Variants in EPS8L2 observed in about 807,000 individuals in gnomAD.
EPS8L2 encodes EPS8 signaling adaptor L2.
A neutral mutation model predicts 99.4 loss-of-function variants in EPS8L2; 81 were observed. The ratio of observed to expected loss-of-function variants is 0.82; its 90% confidence interval spans 0.68 to 0.98. EPS8L2 has a LOEUF of 0.98. Ranked by LOEUF, EPS8L2 falls within the 50% of genes least tolerant of loss-of-function variation. The pLI, the probability that EPS8L2 is intolerant of heterozygous loss-of-function variation, is 0.00. For synonymous variants in EPS8L2, 509 were observed against 407.3 expected (o/e 1.25, Z -3.01); for missense variants, 1,155 against 968.8 (o/e 1.19, Z -2.55).
At chr11:713,131 G>A (rs1286065880) in intron 4 of EPS8L2, among the ~76,000 whole-genome samples, 1 of 152,246 alleles carries the variant, frequency 6.6e-6, no homozygotes. Context: ...GAGTCTGGTG[G>A]GAAGTCTCTC....
intron 4 of EPS8L2, among the ~76,000 whole-genome samples, chr11:713,721 T>A (rs1171194280): frequency 6.6e-6 from 1 of 152,254 alleles, no homozygotes; most frequent in Non-Finnish European, 1.5e-5. Context: ...ATTTTTTATA[T>A]CTTTAGCAGA....
Position 726,627 on chromosome 11 carries a change from A to C in EPS8L2, c.1943A>C (p.Glu648Ala). The C allele has an allele frequency of 6.4e-7, 1 of 1,552,656 alleles. No homozygotes were observed. The highest frequency in any genetic ancestry group is 1.4e-5 in the African/African-American group (1 of 73,598). The change falls in exon 20 of 21, where the codon GAG becomes GCG. Residue 648 changes from glutamate to alanine, a missense_variant. Coordinates refer to ENST00000318562, the MANE Select transcript of EPS8L2 (RefSeq NM_022772.4). ...CAACTGCCCGCCCCCAGGATCGTGG[A>C]GAACCTGGGCATCCTGACCGGGCCG... ...EAKAFSPRIV[E>A]NLGILTGPQL... is the part of the protein sequence containing the mutation.
intron 3 of EPS8L2, 22 bp from the exon 4 acceptor site, chr11:710,400 T>C (rs779375860): frequency 6.2e-7 from 1 of 1,612,188 alleles, no homozygotes; most frequent in Admixed American, 1.7e-5. Flanking sequence ...GTCGGGGGAG[T>C]GACTGGTGTC....
At position 724,966 on chromosome 11, in the gene EPS8L2, TC is replaced by T; in HGVS notation, c.1560+139del. On this transcript the variant is annotated intron_variant, in intron 16 of 20. Coordinates refer to ENST00000318562, the MANE Select transcript of EPS8L2 (RefSeq NM_022772.4). This position sits in a 1 kb window ranked among gnomAD's most constrained non-coding sequence, Gnocchi z 5.5. Reference sequence around the variant, plus strand: ...CGGGGCACAGCTGCTGGCCCCTTTCTCCAGGGTCCCCGCCCTTGGACTCTGA... The same window carrying T: ...CGGGGCACAGCTGCTGGCCCCTTTCTCAGGGTCCCCGCCCTTGGACTCTGA... 1.5e-6 allele frequency: 1 copy of T among 676,140 alleles called. No individual in the cohort carries two copies. The highest frequency in any genetic ancestry group is 2.6e-6 in the Non-Finnish European group (1 of 382,672). The allele number at this position is 676,140 out of a possible 1,614,324, so 41.9% of individuals were successfully genotyped here.
At position 720,928 on chromosome 11, in the gene EPS8L2, C is replaced by G. The variant is rs1564975675; in HGVS notation, c.557+19C>G. The G allele has an allele frequency of 4.0e-6, 3 of 742,418 alleles. No individual in the cohort carries two copies. Among genetic ancestry groups the G allele is most frequent in the Admixed American group, 7.7e-5 (2 of 25,926 alleles). 46.0% of individuals were successfully genotyped at this position (742,418 alleles called of 1,614,324 possible). A position where few individuals can be genotyped will look rare whatever the true frequency, so the allele number is the denominator to read the frequency against. ...CCCTGAAGTAGGGCAGCGGGCGGAGCGGGGTCGCAGGGGGCGGGGAGGGGA... is the reference window on the plus strand; with the variant it reads ...CCCTGAAGTAGGGCAGCGGGCGGAGGGGGGTCGCAGGGGGCGGGGAGGGGA... On this transcript the variant is annotated intron_variant, in intron 7 of 20. Coordinates refer to ENST00000318562, the MANE Select transcript of EPS8L2 (RefSeq NM_022772.4).
At chr11:715,105 GAT>G in intron 4 of EPS8L2, among the ~76,000 whole-genome samples, 1 of 152,026 alleles carries the variant, frequency 6.6e-6, no homozygotes, top group East Asian at 2.0e-4. Context: ...AGCCAGGTGG[GAT>G]GGCGGGTGCC....
chr11:726,869 C>A, intron 20 of EPS8L2, 32 bp from the exon 21 acceptor site: 1 of 1,604,514 alleles, frequency 6.2e-7, no homozygotes. Context: ...GTGGGACCCC[C>A]GGCTGAGGAT....
chr11:717,970 C>A (rs890353314), intron 4 of EPS8L2, among the ~76,000 whole-genome samples: 1 of 151,454 alleles, frequency 6.6e-6, no homozygotes, highest in Non-Finnish European at 1.5e-5. Context: ...GATCGCGCCA[C>A]TGCACTCCAG....
chr11:715,682 A>G (rs182769396), intron 4 of EPS8L2, among the ~76,000 whole-genome samples: 10 of 135,202 alleles, frequency 7.4e-5, no homozygotes, highest in East Asian at 4.3e-4. Flanking sequence ...GTGCAGTGGC[A>G]CGATCTTGAT....
chr11:722,244 G>A (rs1862200938), intron 12 of EPS8L2, 79 bp downstream of exon 12: 6 of 1,557,024 alleles, frequency 3.9e-6, no homozygotes, highest in Non-Finnish European at 5.3e-6. Context: ...GTCGGGGTTG[G>A]GGCAGCAGGT....
At chr11:715,236 T>G (rs555022719) in intron 4 of EPS8L2, among the ~76,000 whole-genome samples, 1 of 146,556 alleles carries the variant, frequency 6.8e-6, no homozygotes, top group Non-Finnish European at 1.5e-5. Context: ...AGTGAGACTC[T>G]GTCTCAAAAA....
At chr11:723,488 T>G (rs554645585) in intron 15 of EPS8L2, 135 bp downstream of exon 15, 3 of 444,924 alleles carry the variant, frequency 6.7e-6, no homozygotes, top group African/African-American at 6.1e-5. Context: ...TTTTCCAGAT[T>G]TGAAGCGGTT....
chr11:722,864 G>A lies in EPS8L2; in HGVS notation c.1341+59G>A, dbSNP rs537033801. On this transcript the variant is annotated intron_variant, in intron 14 of 20. Coordinates refer to ENST00000318562, the MANE Select transcript of EPS8L2 (RefSeq NM_022772.4). ...GCCCCAACACCCACTCCTCACCAGAGCTCCCCCCCAGCCCTGACACCCACC... is the reference window on the plus strand; with the variant it reads ...GCCCCAACACCCACTCCTCACCAGAACTCCCCCCCAGCCCTGACACCCACC... 7.9e-5 allele frequency: 93 copies of A among 1,176,452 alleles called. 1 individual carries two copies. In the South Asian group the frequency reaches 1.3e-3, roughly 17 times the overall value. 72.9% of individuals were successfully genotyped at this position (1,176,452 alleles called of 1,614,324 possible).
Position 724,814 on chromosome 11 carries a change from G to C in EPS8L2, c.1545G>C (p.Lys515Asn), listed in dbSNP as rs148552233. The change falls in exon 16 of 21, where the codon AAG becomes AAC. Residue 515 changes from lysine to asparagine, a missense_variant. By Grantham distance (94) the Lys-to-Asn change is moderately conservative. Transcript: ENST00000318562. The surrounding 1 kb of genome is among the most constrained non-coding windows in gnomAD (Gnocchi z 5.5). ...ARNANELSVLKDEVLEVLEDG... is the reference protein window; with the variant it reads ...ARNANELSVLNDEVLEVLEDG... ...ATGCCAACGAGCTATCGGTGCTCAA[G>C]GATGAGGTCCTAGAGGTGAGGGGCT... The C allele has an allele frequency of 6.2e-7, 1 of 1,612,774 alleles. No individual in the cohort carries two copies. Among genetic ancestry groups the C allele is most frequent in the African/African-American group, 1.3e-5 (1 of 74,934 alleles).
At position 722,185 on chromosome 11, in the gene EPS8L2, A is replaced by G. The variant is rs896827184; in HGVS notation, c.1059+20A>G. 6.2e-7 allele frequency: 1 copy of G among 1,608,964 alleles called. No homozygotes were observed. On this transcript the variant is annotated intron_variant, in intron 12 of 20. Transcript: ENST00000318562. ...GACCTGGTGCCTGGGGCCGGGCGGC[A>G]GGGGCGCGCAGGGTGGGGGCCCAGA...
intron 4 of EPS8L2, among the ~76,000 whole-genome samples, chr11:717,607 G>T (rs1451290929): frequency 1.3e-5 from 2 of 152,212 alleles, no homozygotes; most frequent in Non-Finnish European, 2.9e-5. Flanking sequence ...GGCTGGGCGA[G>T]GTGGCTCATG....
intron 20 of EPS8L2, 36 bp from the exon 21 acceptor site, chr11:726,865 C>T: frequency 2.5e-6 from 4 of 1,601,290 alleles, no homozygotes; most frequent in Non-Finnish European, 3.4e-6. Context: ...ACACGTGGGA[C>T]CCCCGGCTGA....
At chr11:723,174 T>C (rs1301261401) in intron 14 of EPS8L2, 67 bp from the exon 15 acceptor site, 7 of 775,134 alleles carry the variant, frequency 9.0e-6, no homozygotes, top group South Asian at 1.6e-5. Context: ...GCCCCTGTCA[T>C]ATGCCCCCTC....
At chr11:721,503 C>T in intron 9 of EPS8L2, 62 bp from the exon 10 acceptor site, 1 of 1,517,068 alleles carries the variant, frequency 6.6e-7, no homozygotes, top group Non-Finnish European at 8.8e-7. Context: ...GGGGCTGTCC[C>T]TGCAGCAAGG....
Sources: gnomAD v4.1 joint callset for allele counts (sites outside exome capture counted in the v4.1 genomes callset) on GRCh38, gnomAD v4.1.1 for gene constraint, Gnocchi (gnomAD v3.1) non-coding constraint, MANE v1.5 for transcripts, NCBI Gene and HGNC (gene_info 2026-07-23, HGNC 2026-07-21) for gene names.